Variants in EDEM3 observed in about 807,000 individuals in gnomAD.
EDEM3 encodes the protein ER degradation enhancing alpha-mannosidase like protein 3, also known as ER degradation-enhancing alpha-mannosidase-like protein 3.
In EDEM3, 60 loss-of-function variants were observed where a neutral mutation model predicts 110.2. The observed-to-expected ratio is 0.54, with a 90% CI of 0.44 to 0.67. The LOEUF (loss-of-function observed/expected upper bound fraction) is 0.67, where lower values mean the gene tolerates loss of function less well. EDEM3 is among the 30% of genes least tolerant of loss of function. The pLI, the probability that EDEM3 is intolerant of heterozygous loss-of-function variation, is 0.00. For missense variants in EDEM3, 996 were observed against 1,121.0 expected, an observed-to-expected ratio of 0.89 and a Z score of 1.59; for synonymous variants, 352 against 382.9, an observed-to-expected ratio of 0.92 and a Z score of 0.94.
chr1:184,751,580 CA>C (rs1485831128), intron 1 of EDEM3, among the ~76,000 whole-genome samples: 1 of 152,242 alleles, frequency 6.6e-6, no homozygotes, highest in African/African-American at 2.4e-5. Context: ...ATTGCTCTTA[CA>C]CATAGAAGCC....
Position 184,726,388 on chromosome 1 carries a change from A to C in EDEM3, c.614T>G (p.Ile205Ser). Residue 205 changes from isoleucine to serine, a missense_variant and splice_region_variant, in exon 7 of 20, where the codon ATT (isoleucine) becomes AGT (serine). Around this residue, in one of 5 missense-constraint regions of EDEM3, gnomAD observed 310 missense variants for 394.6 expected, o/e 0.79. Coordinates refer to ENST00000318130, the MANE Select transcript of EDEM3 (RefSeq NM_025191.4). ...TTTTCTGATGCCAAACTTTAAATTA[A>C]TCTGAATACAATTAGAAAATTGTCA... ...NTTSGLPYPRINLKFGIRKPE... is the reference protein window; with the variant it reads ...NTTSGLPYPRSNLKFGIRKPE... 1 of 1,612,792 alleles carries C rather than the reference A, an allele frequency of 6.2e-7. No homozygotes were observed. The highest frequency in any genetic ancestry group is 8.5e-7 in the Non-Finnish European group (1 of 1,179,276).
At position 184,694,028 on chromosome 1, in the gene EDEM3, CTTTTTA is replaced by C. The variant is rs757084979; in HGVS notation, c.*29_*34del. On this transcript the variant is annotated 3_prime_UTR_variant, in exon 20 of 20. Transcript: ENST00000318130. ...ATTAACCACACACAGTTTACCTTTTCTTTTTAAATACCTACCAACAGATTGTTTAGC... is the reference window on the plus strand; with the variant it reads ...ATTAACCACACACAGTTTACCTTTTCAATACCTACCAACAGATTGTTTAGC... The C allele has an allele frequency of 2.5e-6, 4 of 1,580,510 alleles. No individual in the cohort carries two copies. In the African/African-American group the frequency reaches 5.4e-5, roughly 22 times the overall value.
Position 184,706,797 on chromosome 1 carries a change from A to G in EDEM3, c.2049T>C (p.Phe683=). 3.7e-6 allele frequency: 6 copies of G among 1,613,384 alleles called. No homozygotes were observed. The highest frequency in any genetic ancestry group is 3.4e-6 in the Non-Finnish European group (4 of 1,179,668). The change falls in exon 18 of 20, where the codon TTT becomes TTC. Residue 683 remains phenylalanine, a synonymous_variant. Transcript: ENST00000318130. ...DLSKHKETRG[F]VASSKPSNGC... is the part of the protein sequence containing the mutation. ...CATTGGATGGTTTACTGCTTGCAAC[A>G]AATCCTCTTGTCTGTCAGAAATAAA...
chr1:184,723,633 T>A, intron 8 of EDEM3, 118 bp downstream of exon 8: 1 of 821,558 alleles, frequency 1.2e-6, no homozygotes, highest in Non-Finnish European at 1.9e-6. Flanking sequence ...ATTCCAGCAA[T>A]CTTGTGAGAA....
Position 184,702,945 on chromosome 1 carries a change from C to A in EDEM3, c.2255G>T (p.Gly752Val). 1 of 1,613,094 alleles carries A rather than the reference C, an allele frequency of 6.2e-7. No individual in the cohort carries two copies. The highest frequency in any genetic ancestry group is 8.5e-7 in the Non-Finnish European group (1 of 1,179,586). ...GATGTCATCTGTATCCTTTCCATCA[C>A]CTGCCATCTGGAACAGAGGGGCAGT... The part of the protein sequence containing the change: ...SDTAPLFQMA[G>V]DGKDTDDIKI... The change falls in exon 19 of 20, where the codon GGT (glycine) becomes GTT (valine). Residue 752 changes from glycine to valine, a missense_variant. This residue lies in a region of EDEM3 where 345 missense variants were observed against 402.0 expected (regional missense o/e 0.86). Transcript: ENST00000318130.
chr1:184,731,709 G>T (rs1651527967), intron 6 of EDEM3, among the ~76,000 whole-genome samples: 1 of 152,154 alleles, frequency 6.6e-6, no homozygotes. Flanking sequence ...CTGTGCCCAA[G>T]TTCTGGTCTA....
chr1:184,716,306 G>C (rs1207290437), intron 13 of EDEM3, among the ~76,000 whole-genome samples: 9 of 152,192 alleles, frequency 5.9e-5, no homozygotes, highest in African/African-American at 2.2e-4. Flanking sequence ...TTCATTTAGA[G>C]ATGTGATAAC....
intron 18 of EDEM3, among the ~76,000 whole-genome samples, chr1:184,705,275 A>C (rs10911640): frequency 0.51 from 77,620 of 152,016 alleles, 20,078 homozygotes; most frequent in East Asian, 0.68. Flanking sequence ...GGTTAATATA[A>C]TAAATTCTGC....
intron 13 of EDEM3, 33 bp downstream of exon 13, chr1:184,716,855 C>A: frequency 1.9e-6 from 3 of 1,606,530 alleles, no homozygotes; most frequent in Non-Finnish European, 2.6e-6. Flanking sequence ...TCAGAGAGAC[C>A]CTGAGGAAAG....
chr1:184,742,124 C>G (rs1238685928), intron 2 of EDEM3, among the ~76,000 whole-genome samples: 1 of 151,968 alleles, frequency 6.6e-6, no homozygotes, highest in East Asian at 1.9e-4. Flanking sequence ...GACTAGTGGC[C>G]AGGAACACTA....
intron 19 of EDEM3, chr1:184,701,600 G>T: frequency 8.6e-7 from 1 of 1,161,336 alleles, no homozygotes; most frequent in Non-Finnish European, 1.1e-6. Context: ...GCATTAAAGA[G>T]TTACAAGAAA....
At chr1:184,752,194 C>T (rs1394781927) in intron 1 of EDEM3, among the ~76,000 whole-genome samples, 1 of 152,192 alleles carries the variant, frequency 6.6e-6, no homozygotes, top group Non-Finnish European at 1.5e-5. Flanking sequence ...AAAGCTTATT[C>T]CATGAAGGAT....
chr1:184,707,190 C>A (rs1295201466), intron 17 of EDEM3, among the ~76,000 whole-genome samples: 2 of 152,234 alleles, frequency 1.3e-5, no homozygotes, highest in South Asian at 4.2e-4. Context: ...CAGGCAGATT[C>A]ACTACATTTA....
intron 18 of EDEM3, among the ~76,000 whole-genome samples, chr1:184,706,072 C>A (rs979417196): frequency 1.3e-5 from 2 of 152,160 alleles, no homozygotes; most frequent in Middle Eastern, 6.8e-3. Context: ...TATCTTTAAA[C>A]CTTACAATCA....
intron 17 of EDEM3, 116 bp downstream of exon 17, chr1:184,708,037 A>C: frequency 1.1e-6 from 1 of 940,328 alleles, no homozygotes; most frequent in Admixed American, 3.5e-5. Context: ...CAGGAGATTG[A>C]CTATTTCAGT....
chr1:184,738,862 T>C (rs1651976945), intron 2 of EDEM3, among the ~76,000 whole-genome samples: 1 of 152,286 alleles, frequency 6.6e-6, no homozygotes, highest in African/African-American at 2.4e-5. Flanking sequence ...CATTTTTCTC[T>C]TTTGTTTGGC....
At chr1:184,695,134 T>C (rs1456024731) in intron 19 of EDEM3, among the ~76,000 whole-genome samples, 10 of 152,020 alleles carry the variant, frequency 6.6e-5, no homozygotes, top group South Asian at 2.1e-4. Flanking sequence ...TTATAATGAA[T>C]ATACAGTGAA....
chr1:184,726,989 T>C (rs953116866), intron 6 of EDEM3, among the ~76,000 whole-genome samples: 4 of 152,182 alleles, frequency 2.6e-5, no homozygotes, highest in African/African-American at 7.2e-5. Context: ...ATTTCTTTAT[T>C]AAGTGGAAGA....
Position 184,706,699 on chromosome 1 carries a change from A to G in EDEM3, c.2147T>C (p.Phe716Ser). The change falls in exon 18 of 20, where the codon TTT (phenylalanine) becomes TCT (serine). Residue 716 changes from phenylalanine (F) to serine (S), a missense_variant. Physicochemically the swap from Phe to Ser is radical, Grantham distance 155. Transcript: ENST00000318130. ...IALIQRGQCM[F>S]AEKARNIQNA... ...CTGGATGTTGCGTGCCTTTTCTGCA[A>G]ACATGCACTGTCCTCTTTGTATCAG... is the stretch of plus-strand genomic sequence containing the variant. 1 of 1,613,936 alleles carries G rather than the reference A, an allele frequency of 6.2e-7. No individual in the cohort carries two copies. Among genetic ancestry groups the G allele is most frequent in the Non-Finnish European group, 8.5e-7 (1 of 1,179,852 alleles).
Sources: gnomAD v4.1 joint callset for allele counts (sites outside exome capture counted in the v4.1 genomes callset) on GRCh38, gnomAD v4.1.1 for gene constraint, gnomAD v4.1.1 regional missense constraint, MANE v1.5 for transcripts, NCBI Gene and HGNC (gene_info 2026-07-23, HGNC 2026-07-21) for gene names.